The following CCDC6 variants were observed in gnomAD, a reference collection of about 807,000 sequenced individuals.
The protein encoded by CCDC6 is coiled-coil domain containing 6, also known as coiled-coil domain-containing protein 6.
Under a neutral mutation model 56.6 loss-of-function variants are expected in CCDC6, and 20 were observed. The ratio of observed to expected loss-of-function variants is 0.35; its 90% CI spans 0.25 to 0.51. The LOEUF is 0.51. Ranked by LOEUF, CCDC6 falls within the 20% of genes least tolerant of loss-of-function variation. CCDC6 has a pLI of 0.95. For missense variants in CCDC6, 367 were observed against 601.1 expected (o/e 0.61, Z 4.07); for synonymous variants, 241 against 234.4 (o/e 1.03, Z -0.26).
At chr10:59,900,575 C>T (rs1305918699) in intron 1 of CCDC6, among the ~76,000 whole-genome samples, 1 of 152,134 alleles carries the variant, frequency 6.6e-6, no homozygotes, top group African/African-American at 2.4e-5. Flanking sequence ...AGAAGGTTCA[C>T]CTGGATCCAA....
Position 59,815,976 on chromosome 10 carries a change from A to T in CCDC6, c.583-1221T>A, listed in dbSNP as rs149770809. Among the ~76,000 whole-genome samples the T allele has an allele frequency of 4.1e-4, 62 of 152,352 alleles. 1 individual carries two copies. The highest frequency in any genetic ancestry group is 1.5e-3 in the African/African-American group (61 of 41,574). On this transcript the variant is annotated intron_variant, in intron 3 of 8. Transcript: ENST00000263102. ...GGTTTTACTTTTACAGCCAAATGAC[A>T]TTCCCCTTTCTGAAACTCTTCGTAG...
intron 1 of CCDC6, among the ~76,000 whole-genome samples, chr10:59,869,734 C>A (rs987766709): frequency 1.3e-5 from 2 of 152,132 alleles, no homozygotes; most frequent in African/African-American, 4.8e-5. Context: ...CACTTTGTTA[C>A]CCTGCTCAAA....
intron 1 of CCDC6, among the ~76,000 whole-genome samples, chr10:59,886,529 C>T (rs890767883): frequency 4.6e-5 from 7 of 152,086 alleles, no homozygotes; most frequent in Admixed American, 2.6e-4. Context: ...ATCATTTAAA[C>T]AAAAACACAA....
chr10:59,829,373 A>C (rs551100895), intron 3 of CCDC6, among the ~76,000 whole-genome samples: 1 of 152,346 alleles, frequency 6.6e-6, no homozygotes, highest in African/African-American at 2.4e-5. Flanking sequence ...TTGTTTCCAC[A>C]ATTTTAAGGA....
chr10:59,869,145 C>T (rs940269916), intron 1 of CCDC6, among the ~76,000 whole-genome samples: 5 of 151,872 alleles, frequency 3.3e-5, no homozygotes, highest in Non-Finnish European at 2.9e-5. Flanking sequence ...CTACCACGCC[C>T]TAATGATCTC....
At chr10:59,880,417 G>A (rs1379662848) in intron 1 of CCDC6, among the ~76,000 whole-genome samples, 1 of 152,142 alleles carries the variant, frequency 6.6e-6, no homozygotes, top group Admixed American at 6.5e-5. Flanking sequence ...ACATAATGCT[G>A]GGAGAAAGAC....
chr10:59,808,979 A>G (rs998661697), intron 5 of CCDC6, among the ~76,000 whole-genome samples: 3 of 152,202 alleles, frequency 2.0e-5, no homozygotes, highest in African/African-American at 7.2e-5. Flanking sequence ...ATAGCCAGAA[A>G]CCCCGCTGTC....
At chr10:59,838,881 T>G (rs1398935659) in intron 2 of CCDC6, among the ~76,000 whole-genome samples, 5 of 152,120 alleles carry the variant, frequency 3.3e-5, no homozygotes. Context: ...ATAAAAGACT[T>G]CCCCAATGCT....
intron 1 of CCDC6, among the ~76,000 whole-genome samples, chr10:59,869,301 TA>T: frequency 7.2e-6 from 1 of 139,186 alleles, no homozygotes; most frequent in East Asian, 2.2e-4. Context: ...CTGGACAGCA[TA>T]TAGGCACCTC....
chr10:59,861,883 A>T, intron 1 of CCDC6, among the ~76,000 whole-genome samples: 1 of 152,250 alleles, frequency 6.6e-6, no homozygotes. Flanking sequence ...TACACTGGTA[A>T]GACAGAAGAC....
intron 1 of CCDC6, among the ~76,000 whole-genome samples, chr10:59,875,440 G>A (rs756095709): frequency 1.6e-4 from 24 of 152,274 alleles, no homozygotes; most frequent in African/African-American, 2.4e-4. Context: ...AAGAAGGTTT[G>A]AAGGACACAG....
chr10:59,878,479 A>G (rs1589058972), intron 1 of CCDC6, among the ~76,000 whole-genome samples: 1 of 152,214 alleles, frequency 6.6e-6, no homozygotes, highest in Admixed American at 6.5e-5. Context: ...CAGTTTCACA[A>G]TCTATCCCAT....
intron 5 of CCDC6, among the ~76,000 whole-genome samples, chr10:59,810,793 AC>A (rs1321234503): frequency 6.6e-6 from 1 of 152,038 alleles, no homozygotes; most frequent in Non-Finnish European, 1.5e-5. Flanking sequence ...AATCCCCAAA[AC>A]CTATAAATGC....
intron 5 of CCDC6, among the ~76,000 whole-genome samples, chr10:59,811,300 C>T (rs915336325): frequency 1.3e-5 from 2 of 152,150 alleles, no homozygotes; most frequent in African/African-American, 2.4e-5. Context: ...ACTTCAGAGA[C>T]GAAAACAAAG....
intron 1 of CCDC6, among the ~76,000 whole-genome samples, chr10:59,868,760 C>T (rs977429577): frequency 3.9e-5 from 6 of 152,172 alleles, no homozygotes; most frequent in Non-Finnish European, 7.3e-5. Flanking sequence ...AGAGCCAGCC[C>T]CCAGTAAAAA....
chr10:59,829,673 A>G (rs1442878091), intron 3 of CCDC6, among the ~76,000 whole-genome samples: 1 of 152,208 alleles, frequency 6.6e-6, no homozygotes, highest in African/African-American at 2.4e-5. Flanking sequence ...ACCACATATT[A>G]TGATTCTATT....
intron 5 of CCDC6, among the ~76,000 whole-genome samples, chr10:59,811,199 T>C (rs1211076898): frequency 2.0e-5 from 3 of 152,132 alleles, no homozygotes; most frequent in Non-Finnish European, 4.4e-5. Flanking sequence ...ATAGCAGAAA[T>C]AGGAAAGTAC....
chr10:59,879,666 A>C (rs1003892429), intron 1 of CCDC6, among the ~76,000 whole-genome samples: 1 of 152,154 alleles, frequency 6.6e-6, no homozygotes, highest in Admixed American at 6.5e-5. Flanking sequence ...GCCTTCCCTA[A>C]AGGTACTGAG....
rs894966076 is a variant in CCDC6, at chr10:59,846,583, T to C, written c.453+5970A>G. 4.6e-5 allele frequency among the ~76,000 whole-genome samples: 7 copies of C among 152,352 alleles called. 1 individual carries two copies. The South Asian group carries it at 8.3e-4, about 18-fold the overall frequency. ...TCCAGGACTTTTCTTCTTAAGTATT[T>C]CAAACCATCAATGTGCCCCCTATTA... On this transcript the variant is annotated intron_variant, in intron 2 of 8. Coordinates refer to ENST00000263102, the MANE Select transcript of CCDC6 (RefSeq NM_005436.5).
Sources: gnomAD v4.1 joint callset for allele counts (sites outside exome capture counted in the v4.1 genomes callset) on GRCh38, gnomAD v4.1.1 for gene constraint, MANE v1.5 for transcripts, NCBI Gene and HGNC (gene_info 2026-07-23, HGNC 2026-07-21) for gene names.